Variants in USH1C observed in about 807,000 individuals in gnomAD.
USH1C encodes harmonin.
USH1C carries 90 observed loss-of-function variants against 119.3 expected under a neutral mutation model. The ratio of observed to expected loss-of-function variants is 0.75; its 90% CI spans 0.64 to 0.90. The LOEUF (loss-of-function observed/expected upper bound fraction) is 0.90. Among genes scored for constraint, USH1C ranks in the 40% least tolerant of loss-of-function variants. The pLI is 0.00. For missense variants in USH1C, 1,165 were observed against 1,167.7 expected, an observed-to-expected ratio of 1.00 and a Z score of 0.03; for synonymous variants, 465 against 443.3, an observed-to-expected ratio of 1.05 and a Z score of -0.62.
rs1055581 is a variant in USH1C, at chr11:17,494,121, T to C, written c.*211A>G. 272,289 of 612,558 alleles carry C rather than the reference T, an allele frequency of 0.44. 61,875 individuals carry two copies. The highest frequency in any genetic ancestry group is 0.47 in the Non-Finnish European group (161,374 of 341,444). 37.9% of individuals were successfully genotyped at this position (612,558 alleles called of 1,614,324 possible). A position where few individuals can be genotyped will look rare whatever the true frequency, so the allele number is the denominator to read the frequency against. On this transcript the variant is annotated 3_prime_UTR_variant, in exon 27 of 27. Transcript: ENST00000005226. ...TGGATCCTTGAGATCTTCTCCCAAA[T>C]GGCTGGCTGCTCCCTTTCCTCCACG...
chr11:17,519,656 C>T (rs1850326798), intron 14 of USH1C, among the ~76,000 whole-genome samples: 1 of 152,208 alleles, frequency 6.6e-6, no homozygotes, highest in African/African-American at 2.4e-5. Context: ...GATCTTAGCT[C>T]TGGCCATATC....
At chr11:17,527,684 A>G (rs1247740003) in intron 4 of USH1C, among the ~76,000 whole-genome samples, 1 of 152,174 alleles carries the variant, frequency 6.6e-6, no homozygotes, top group East Asian at 1.9e-4. Flanking sequence ...TCTGGATTCT[A>G]TGCAAAGGGT....
intron 15 of USH1C, among the ~76,000 whole-genome samples, chr11:17,514,970 T>A (rs1312873529): frequency 1.3e-5 from 2 of 152,154 alleles, no homozygotes; most frequent in East Asian, 1.9e-4. Flanking sequence ...TTCTTTTACA[T>A]TTACATGTTA....
chr11:17,522,933 G>T lies in USH1C; in HGVS notation c.877-7C>A. The T allele has an allele frequency of 6.2e-7, 1 of 1,609,368 alleles. No homozygotes were observed. The highest frequency in any genetic ancestry group is 1.1e-5 in the South Asian group (1 of 90,440). On this transcript the variant is annotated splice_polypyrimidine_tract_variant and splice_region_variant and intron_variant, in intron 11 of 26. Coordinates refer to ENST00000005226, the MANE Select transcript of USH1C (RefSeq NM_153676.4). ...TCATGAACAGCTCCCGGCCCTCATGGGAGAAAAGAGGCCCCTTGCTCAGCC... is the reference window on the plus strand; with the variant it reads ...TCATGAACAGCTCCCGGCCCTCATGTGAGAAAAGAGGCCCCTTGCTCAGCC...
chr11:17,525,775 G>A (rs1210212180), intron 8 of USH1C, among the ~76,000 whole-genome samples: 1 of 152,210 alleles, frequency 6.6e-6, no homozygotes, highest in African/African-American at 2.4e-5. Context: ...AGTGACTCAA[G>A]GGCCCACAAG....
chr11:17,516,108 G>T (rs562587134), intron 15 of USH1C, 133 bp downstream of exon 15: 1 of 979,046 alleles, frequency 1.0e-6, no homozygotes, highest in East Asian at 2.6e-5. Flanking sequence ...CAAAGATGGA[G>T]ATGGAGTTAG....
intron 26 of USH1C, 127 bp from the exon 27 acceptor site, chr11:17,494,503 G>T: frequency 9.3e-7 from 1 of 1,075,794 alleles, no homozygotes; most frequent in Non-Finnish European, 1.4e-6. Flanking sequence ...ACCCTTTGGA[G>T]ACCCCTCTGG....
At chr11:17,514,490 A>G (rs1314653122) in intron 15 of USH1C, 2 of 152,254 alleles carry the variant, frequency 1.3e-5, no homozygotes, top group Non-Finnish European at 2.9e-5. Context: ...CAGTGCTGGC[A>G]TTATAGACAT....
intron 20 of USH1C, among the ~76,000 whole-genome samples, chr11:17,504,119 C>T (rs1239331825): frequency 1.3e-5 from 2 of 152,192 alleles, no homozygotes; most frequent in African/African-American, 4.8e-5. Flanking sequence ...TGATGCCACT[C>T]AGAGGACCAG....
In USH1C at chr11:17,496,232, G is replaced by A. The variant is rs190405911; in HGVS notation, c.2546+526C>T. Among the ~76,000 whole-genome samples the A allele has an allele frequency of 7.4e-4, 112 of 152,202 alleles. 1 individual carries two copies. The highest frequency in any genetic ancestry group is 5.2e-3 in the Admixed American group (79 of 15,298). On this transcript the variant is annotated intron_variant, in intron 25 of 26. Transcript: ENST00000005226. Reference sequence around the variant, plus strand: ...GGAGAGAAGACAGAGAGACCCACAGGACACAAGAGACAGACACACAGGGAA... The same window carrying A: ...GGAGAGAAGACAGAGAGACCCACAGAACACAAGAGACAGACACACAGGGAA...
intron 12 of USH1C, 39 bp downstream of exon 12, chr11:17,522,745 G>A: frequency 6.2e-7 from 1 of 1,613,210 alleles, no homozygotes; most frequent in Non-Finnish European, 8.5e-7. Flanking sequence ...GTGGTGGGGT[G>A]GGAGGCGGGA....
intron 17 of USH1C, among the ~76,000 whole-genome samples, 181 bp from the exon 18 acceptor site, chr11:17,510,019 G>A (rs1849819888): frequency 6.6e-6 from 1 of 152,164 alleles, no homozygotes; most frequent in Admixed American, 6.5e-5. Context: ...GCCATACTAG[G>A]CTGCTGTTAG....
Position 17,523,414 on chromosome 11 carries a change from C to A in USH1C, c.819+5G>T. 6.2e-7 allele frequency: 1 copy of A among 1,614,186 alleles called. No individual in the cohort carries two copies. Among genetic ancestry groups the A allele is most frequent in the Non-Finnish European group, 8.5e-7 (1 of 1,180,016 alleles). On this transcript the variant is annotated splice_donor_5th_base_variant and intron_variant, in intron 10 of 26. Coordinates refer to ENST00000005226, the MANE Select transcript of USH1C (RefSeq NM_153676.4). ...GGCCAACAGGTGAAGACCCCCACATCTCACCTCCTTGTGATCCAGGTTAGA... is the reference window on the plus strand; with the variant it reads ...GGCCAACAGGTGAAGACCCCCACATATCACCTCCTTGTGATCCAGGTTAGA...
intron 11 of USH1C, 125 bp downstream of exon 11, chr11:17,523,086 C>A: frequency 6.4e-7 from 1 of 1,573,578 alleles, no homozygotes; most frequent in South Asian, 1.1e-5. Context: ...GAAGTCCTCT[C>A]GCTCTGCTCT....
chr11:17,529,044 T>C (rs1438186219), intron 4 of USH1C, among the ~76,000 whole-genome samples: 1 of 152,186 alleles, frequency 6.6e-6, no homozygotes, highest in Non-Finnish European at 1.5e-5. Context: ...AAGTGGTGTC[T>C]CTTGGGTGTC....
chr11:17,521,447 A>G (rs765494253), intron 12 of USH1C, 36 bp from the exon 13 acceptor site: 25 of 1,603,334 alleles, frequency 1.6e-5, no homozygotes, highest in Admixed American at 6.7e-5. Flanking sequence ...GTTTGGCCCT[A>G]TGCAAGAGAA....
chr11:17,533,625 A>G, intron 1 of USH1C: 2 of 542,490 alleles, frequency 3.7e-6, no homozygotes, highest in Non-Finnish European at 7.0e-6. Flanking sequence ...TACATATGTG[A>G]ATCCCCATGT....
chr11:17,527,097 C>CCCCCCCCGGG, intron 5 of USH1C, 57 bp from the exon 6 acceptor site: 2 of 1,330,624 alleles, frequency 1.5e-6, no homozygotes, highest in South Asian at 1.5e-5. Context: ...TCCCTCCCAC[C>CCCCCCCCGGG]GTCATGGAGT....
chr11:17,534,313 A>G (rs983041552), intron 1 of USH1C, among the ~76,000 whole-genome samples: 7 of 152,240 alleles, frequency 4.6e-5, no homozygotes, highest in Non-Finnish European at 1.0e-4. Flanking sequence ...GGGTTCTGGA[A>G]GACCGGGGCA....
Sources: allele counts gnomAD v4.1 joint callset (sites outside exome capture counted in the v4.1 genomes callset), GRCh38; gene constraint gnomAD v4.1.1; transcripts MANE v1.5; gene names NCBI Gene and HGNC (gene_info 2026-07-23, HGNC 2026-07-21).